Variants in PHF20 observed in about 807,000 individuals in gnomAD.
PHF20 encodes the protein glioma-expressed antigen 2.
In PHF20, 23 loss-of-function variants were observed where a neutral mutation model predicts 113.5. The ratio of observed to expected loss-of-function variants is 0.20; its 90% confidence interval spans 0.15 to 0.29. The LOEUF (loss-of-function observed/expected upper bound fraction) is 0.29. Ranked by LOEUF, PHF20 falls within the 10% of genes least tolerant of loss-of-function variation. The pLI is 1.00. For synonymous variants in PHF20, 434 were observed against 457.3 expected (o/e 0.95, Z 0.65); for missense variants, 943 against 1,219.6 (o/e 0.77, Z 3.38).
rs1424630840 is a variant in PHF20, at chr20:35,841,783, A to G, written c.84-790A>G. The stretch of plus-strand genomic sequence containing the variant: ...GACCCTGTCTCAAAAAAACAAACAA[A>G]CAACAACCAAAAAAACTGCACAGTA... On this transcript the variant is annotated intron_variant, in intron 2 of 17. Coordinates refer to ENST00000374012, the MANE Select transcript of PHF20 (RefSeq NM_016436.5). 1.3e-5 allele frequency among the ~76,000 whole-genome samples: 2 copies of G among 151,406 alleles called. 1 individual carries two copies. Among genetic ancestry groups the G allele is most frequent in the South Asian group, 4.2e-4 (2 of 4,796 alleles).
At chr20:35,772,657 C>A (rs997025221) in intron 1 of PHF20, among the ~76,000 whole-genome samples, 1 of 149,406 alleles carries the variant, frequency 6.7e-6, no homozygotes, top group Non-Finnish European at 1.5e-5. Context: ...AAAAGCCCTC[C>A]CCCCCCCAAA....
intron 12 of PHF20, among the ~76,000 whole-genome samples, chr20:35,915,286 G>A (rs2055383254): frequency 6.7e-6 from 1 of 150,270 alleles, no homozygotes; most frequent in East Asian, 1.9e-4. Flanking sequence ...TCACACACAC[G>A]ACTCTTAAAA....
At chr20:35,928,389 A>G (rs948376279) in intron 14 of PHF20, among the ~76,000 whole-genome samples, 9 of 137,944 alleles carry the variant, frequency 6.5e-5, no homozygotes, top group Admixed American at 1.6e-4. Context: ...CAGTGAGCCG[A>G]GATCATGCCA....
At chr20:35,844,959 C>T (rs2146941358) in intron 3 of PHF20, among the ~76,000 whole-genome samples, 1 of 152,208 alleles carries the variant, frequency 6.6e-6, no homozygotes, top group African/African-American at 2.4e-5. Context: ...TAGCCACTGC[C>T]ATATGATACA....
rs2055048970 is a variant in PHF20 at position 35,899,296 on chromosome 20, C to T, written c.1283-74C>T. ...ACGCTAGTCTTTCACCCTCAGTTGT[C>T]ATGTGTTAATGCATGTTTTGTAATA... On this transcript the variant is annotated intron_variant, in intron 9 of 17. Transcript: ENST00000374012. The T allele has an allele frequency of 1.9e-5, 24 of 1,253,332 alleles. No homozygotes were observed. The South Asian group carries it at 3.5e-4, about 18-fold the overall frequency. The allele number at this position is 1,253,332 out of a possible 1,614,324, so 77.6% of individuals were successfully genotyped here.
At chr20:35,880,049 C>G (rs776464852) in intron 9 of PHF20, among the ~76,000 whole-genome samples, 1 of 152,164 alleles carries the variant, frequency 6.6e-6, no homozygotes, top group Non-Finnish European at 1.5e-5. Context: ...TTGACTTCAA[C>G]TCACTTACTG....
intron 13 of PHF20, among the ~76,000 whole-genome samples, chr20:35,919,721 G>A (rs948488270): frequency 5.3e-5 from 8 of 151,974 alleles, no homozygotes; most frequent in African/African-American, 1.2e-4. Context: ...GGACTTTTCC[G>A]TAGCTCTTTA....
chr20:35,873,502 T>C (rs1417144139), intron 9 of PHF20, among the ~76,000 whole-genome samples: 1 of 147,106 alleles, frequency 6.8e-6, no homozygotes, highest in African/African-American at 2.5e-5. Context: ...AGAGTCTTGC[T>C]CTATCGCCCA....
At chr20:35,917,298 G>T (rs1600931704) in intron 12 of PHF20, 186 bp from the exon 13 acceptor site, 1 of 697,458 alleles carries the variant, frequency 1.4e-6, no homozygotes, top group East Asian at 2.8e-5. Context: ...CTGCCAGGCA[G>T]CATGCTTCGT....
rs114269242 is a variant in PHF20 at position 35,818,509 on chromosome 20, C to T, written c.83+16904C>T. On this transcript the variant is annotated intron_variant, in intron 2 of 17. Coordinates refer to ENST00000374012, the MANE Select transcript of PHF20 (RefSeq NM_016436.5). ...TTCTGGGCTCAAGCAGTGCACCCACCTCATCCTCCCAAAGTGCTGGGATTA... is the reference window on the plus strand; with the variant it reads ...TTCTGGGCTCAAGCAGTGCACCCACTTCATCCTCCCAAAGTGCTGGGATTA... 8.8e-3 allele frequency among the ~76,000 whole-genome samples: 1,345 copies of T among 152,176 alleles called. 23 individuals are homozygous for T. Among genetic ancestry groups the T allele is most frequent in the African/African-American group, 0.031 (1,289 of 41,528 alleles).
chr20:35,822,196 G>A (rs1220392869), intron 2 of PHF20, among the ~76,000 whole-genome samples: 1 of 152,112 alleles, frequency 6.6e-6, no homozygotes, highest in Non-Finnish European at 1.5e-5. Flanking sequence ...TGAATCCCAA[G>A]ATCGAGACCA....
At chr20:35,848,520 G>T (rs569400296) in intron 4 of PHF20, among the ~76,000 whole-genome samples, 3 of 152,106 alleles carry the variant, frequency 2.0e-5, no homozygotes, top group Non-Finnish European at 4.4e-5. Context: ...CAAAGTTTTG[G>T]GATTATAAGC....
chr20:35,894,910 C>T (rs117726271), intron 9 of PHF20, among the ~76,000 whole-genome samples: 3,899 of 152,304 alleles, frequency 0.026, 77 homozygotes, highest in Non-Finnish European at 0.041. Context: ...GGCTAGAGTG[C>T]AATGGCACAA....
rs901081686 is a variant in PHF20, at chr20:35,917,306, C to T, written c.1826-178C>T. On this transcript the variant is annotated intron_variant, in intron 12 of 17. Transcript: ENST00000374012. ...GAGTTCACTGCCAGGCAGCATGCTT[C>T]GTTTGGGCTGTTACTAAATGACAGA... The T allele has an allele frequency of 6.6e-5, 47 of 709,272 alleles. No homozygotes were observed. The African/African-American group carries it at 7.9e-4, about 12-fold the overall frequency. 43.9% of individuals were successfully genotyped at this position (709,272 alleles called of 1,614,324 possible).
intron 1 of PHF20, among the ~76,000 whole-genome samples, chr20:35,795,190 TAAAA>T (rs112803709): frequency 1.5e-5 from 2 of 135,014 alleles, no homozygotes; most frequent in Non-Finnish European, 1.6e-5. Flanking sequence ...GACTCTGTCT[TAAAA>T]AAAAAAAAAA....
chr20:35,942,349 A>G (rs961549889), intron 17 of PHF20, among the ~76,000 whole-genome samples: 2 of 152,208 alleles, frequency 1.3e-5, no homozygotes, highest in African/African-American at 2.4e-5. Context: ...GGAGGATATA[A>G]TGTTAGACAA....
intron 1 of PHF20, among the ~76,000 whole-genome samples, chr20:35,795,839 A>G (rs1292311489): frequency 6.6e-6 from 1 of 152,016 alleles, no homozygotes; most frequent in African/African-American, 2.4e-5. Context: ...TGGTTAATAT[A>G]TGTAAGTTTA....
intron 15 of PHF20, among the ~76,000 whole-genome samples, chr20:35,937,953 G>C (rs1017824774): frequency 6.6e-6 from 1 of 151,970 alleles, no homozygotes; most frequent in African/African-American, 2.4e-5. Flanking sequence ...CTCACTGCAA[G>C]CTCTGCCTCC....
At chr20:35,777,363 T>TG (rs2041195656) in intron 1 of PHF20, among the ~76,000 whole-genome samples, 1 of 152,340 alleles carries the variant, frequency 6.6e-6, no homozygotes, top group South Asian at 2.1e-4. Context: ...GGCTGGGATT[T>TG]GGGGAAAGTA....
Sources: gnomAD v4.1 joint callset for allele counts (sites outside exome capture counted in the v4.1 genomes callset) on GRCh38, gnomAD v4.1.1 for gene constraint, MANE v1.5 for transcripts, NCBI Gene and HGNC (gene_info 2026-07-23, HGNC 2026-07-21) for gene names.